The following DOCK1 variants were observed in gnomAD, a reference collection of about 807,000 sequenced individuals.
DOCK1 encodes the protein dedicator of cytokinesis 1, also known as dedicator of cytokinesis protein 1.
Under a neutral mutation model 262.7 loss-of-function variants are expected in DOCK1, and 138 were observed. The observed-to-expected ratio is 0.53, with a 90% CI of 0.46 to 0.61. The LOEUF is 0.61. DOCK1 is among the 20% of genes least tolerant of loss of function. The pLI is 0.00. For synonymous variants in DOCK1, 866 were observed against 867.4 expected (o/e 1.00, Z 0.03); for missense variants, 1,908 against 2,370.7 (o/e 0.80, Z 4.05).
At chr10:127,332,551 C>T (rs1005387108) in intron 29 of DOCK1, among the ~76,000 whole-genome samples, 6 of 152,130 alleles carry the variant, frequency 3.9e-5, no homozygotes, top group Non-Finnish European at 5.9e-5. Context: ...CCCACATCCC[C>T]GTCTCTCACG....
chr10:127,151,315 T>G (rs1235749953), intron 27 of DOCK1, among the ~76,000 whole-genome samples: 2 of 152,114 alleles, frequency 1.3e-5, no homozygotes, highest in African/African-American at 4.8e-5. Flanking sequence ...TTGACAGGAC[T>G]CAATGAAATA....
chr10:127,158,607 A>G (rs537783448), intron 27 of DOCK1, among the ~76,000 whole-genome samples: 2 of 152,332 alleles, frequency 1.3e-5, no homozygotes, highest in South Asian at 2.1e-4. Context: ...TTGTATTTTC[A>G]TAAGTCCAGA....
chr10:126,940,888 A>G (rs1215495695), intron 1 of DOCK1, among the ~76,000 whole-genome samples: 4 of 152,234 alleles, frequency 2.6e-5, no homozygotes, highest in South Asian at 2.1e-4. Flanking sequence ...AAAAGCGTCT[A>G]TTGAATTACA....
intron 29 of DOCK1, among the ~76,000 whole-genome samples, chr10:127,327,923 C>T (rs565767407): frequency 4.6e-5 from 7 of 152,200 alleles, no homozygotes; most frequent in African/African-American, 1.7e-4. Flanking sequence ...CCTGCTCTTT[C>T]TAGTTCTTCA....
At chr10:127,372,813 C>T (rs1383619394) in intron 33 of DOCK1, among the ~76,000 whole-genome samples, 4 of 152,200 alleles carry the variant, frequency 2.6e-5, no homozygotes, top group Admixed American at 1.3e-4. Flanking sequence ...TTCAATTCTT[C>T]CTTTGTCCAT....
intron 29 of DOCK1, among the ~76,000 whole-genome samples, chr10:127,304,877 G>A (rs2061817032): frequency 6.6e-6 from 1 of 152,008 alleles, no homozygotes; most frequent in African/African-American, 2.4e-5. Flanking sequence ...GTGAGACTTT[G>A]TCTGAAAAAA....
In DOCK1 at chr10:127,404,386, T is replaced by C; in HGVS notation, c.4079T>C (p.Phe1360Ser). The C allele has an allele frequency of 6.2e-7, 1 of 1,613,976 alleles. No individual in the cohort carries two copies. The highest frequency in any genetic ancestry group is 8.5e-7 in the Non-Finnish European group (1 of 1,179,888). ...GTGATCAGGCCCAAGCCTGACTATT[T>C]TGCTGTTGGCTACTACGGACAAGGG... is the stretch of plus-strand genomic sequence containing the variant. ...VKVIRPKPDY[F>S]AVGYYGQGFP... The change falls in exon 40 of 52, where the codon TTT becomes TCT. Residue 1360 changes from phenylalanine to serine, a missense_variant. By Grantham distance (155) the Phe-to-Ser change is radical. Coordinates refer to ENST00000623213, the MANE Select transcript of DOCK1 (RefSeq NM_001290223.2).
chr10:127,371,878 A>G (rs1364142943), intron 33 of DOCK1, among the ~76,000 whole-genome samples: 1 of 152,202 alleles, frequency 6.6e-6, no homozygotes, highest in African/African-American at 2.4e-5. Context: ...AAAGGGCAGG[A>G]TAGCAGTGGT....
intron 1 of DOCK1, among the ~76,000 whole-genome samples, chr10:126,942,163 A>G: frequency 1.3e-5 from 2 of 152,150 alleles, no homozygotes; most frequent in Non-Finnish European, 1.5e-5. Flanking sequence ...TAGCGGGACT[A>G]CAGGCGCCCG....
At chr10:126,984,170 G>C (rs1026085173) in intron 4 of DOCK1, among the ~76,000 whole-genome samples, 4 of 151,966 alleles carry the variant, frequency 2.6e-5, no homozygotes, top group African/African-American at 9.7e-5. Flanking sequence ...CTCTTCAGCT[G>C]ATCTGTCTCT....
chr10:127,322,194 T>C (rs1377239165), intron 29 of DOCK1, among the ~76,000 whole-genome samples: 1 of 151,362 alleles, frequency 6.6e-6, no homozygotes. Context: ...TCCCTTTTTT[T>C]TTTTTTTTTC....
rs1488794823 is a variant in DOCK1 at position 127,384,806 on chromosome 10, G to A, written c.3824G>A (p.Cys1275Tyr). The A allele has an allele frequency of 1.0e-5, 16 of 1,597,310 alleles. No individual in the cohort carries two copies. Among genetic ancestry groups the A allele is most frequent in the Non-Finnish European group, 1.4e-5 (16 of 1,174,212 alleles). Residue 1275 changes from cysteine (C) to tyrosine (Y), a missense_variant, in exon 38 of 52, where the codon TGT (cysteine) becomes TAT (tyrosine). By Grantham distance (194) the Cys-to-Tyr change is radical. Around this residue, in one of 9 missense-constraint regions of DOCK1, gnomAD observed 267 missense variants for 366.3 expected, o/e 0.73. Coordinates refer to ENST00000623213, the MANE Select transcript of DOCK1 (RefSeq NM_001290223.2). ...AKLLKWSEDV[C>Y]VAHLTQRDGY... is the part of the protein sequence containing the mutation. Reference sequence around the variant, plus strand: ...CTCCCTTAGTGGTCGGAGGATGTGTGTGTGGCCCACCTCACCCAGCGGGAC... The same window carrying A: ...CTCCCTTAGTGGTCGGAGGATGTGTATGTGGCCCACCTCACCCAGCGGGAC...
chr10:127,259,546 G>A (rs2059942674), intron 29 of DOCK1, among the ~76,000 whole-genome samples: 1 of 152,200 alleles, frequency 6.6e-6, no homozygotes, highest in Non-Finnish European at 1.5e-5. Flanking sequence ...AGCACAGGGT[G>A]TGGAGGCGGC....
chr10:127,280,833 T>C (rs78302992), intron 29 of DOCK1, among the ~76,000 whole-genome samples: 8,718 of 152,248 alleles, frequency 0.057, 323 homozygotes, highest in Non-Finnish European at 0.086. Context: ...CATTTTTTCA[T>C]TTTTTACTCC....
At chr10:127,055,814 G>C (rs140648742) in intron 22 of DOCK1, among the ~76,000 whole-genome samples, 1 of 152,252 alleles carries the variant, frequency 6.6e-6, no homozygotes, top group African/African-American at 2.4e-5. Context: ...GTCCTACCAG[G>C]TTACATAGAA....
intron 1 of DOCK1, among the ~76,000 whole-genome samples, chr10:126,957,289 G>A (rs1489471766): frequency 1.3e-5 from 2 of 152,192 alleles, no homozygotes; most frequent in East Asian, 3.8e-4. Context: ...CCTGGTTGCA[G>A]TATGGACAGA....
rs567257019 is a variant in DOCK1, at chr10:126,999,088, T to TA, written c.768-256dup. 3.5e-3 allele frequency among the ~76,000 whole-genome samples: 527 copies of TA among 148,918 alleles called. 1 individual carries two copies. The highest frequency in any genetic ancestry group is 0.01 in the African/African-American group (425 of 40,646). On this transcript the variant is annotated intron_variant, in intron 8 of 51. Coordinates refer to ENST00000623213, the MANE Select transcript of DOCK1 (RefSeq NM_001290223.2). ...CATTCTAAATGAACAAATAGGCTCT[T>TA]AAAAAAAAAACCAACTTAGAAATAC...
In DOCK1 at chr10:127,339,023, T is replaced by C; in HGVS notation, c.3062T>C (p.Ile1021Thr). 1.3e-6 allele frequency: 2 copies of C among 1,582,026 alleles called. No individual in the cohort carries two copies. Among genetic ancestry groups the C allele is most frequent in the Non-Finnish European group, 8.6e-7 (1 of 1,163,446 alleles). ...MVQNKVFLRA[I>T]NQYADMLNKK... The stretch of plus-strand genomic sequence containing the variant: ...TCTTTCAGAGTCTTCCTGCGAGCAA[T>C]TAATCAGTATGCAGATATGCTGAAC... Residue 1021 changes from isoleucine to threonine, a missense_variant, in exon 30 of 52, where the codon ATT (isoleucine) becomes ACT (threonine). Physicochemically the swap from Ile to Thr is moderately conservative, Grantham distance 89 (BLOSUM62 -1). This residue lies in a region of DOCK1 where 518 missense variants were observed against 575.1 expected (regional missense o/e 0.90). Transcript: ENST00000623213.
chr10:127,373,742 G>A (rs368433987), intron 33 of DOCK1, 39 bp from the exon 34 acceptor site: 17 of 1,526,406 alleles, frequency 1.1e-5, no homozygotes, highest in Middle Eastern at 1.7e-4. Flanking sequence ...TGAAATACTC[G>A]CCATGCTGAT....
Sources: gnomAD v4.1 joint callset for allele counts (sites outside exome capture counted in the v4.1 genomes callset) on GRCh38, gnomAD v4.1.1 for gene constraint, gnomAD v4.1.1 regional missense constraint, MANE v1.5 for transcripts, NCBI Gene and HGNC (gene_info 2026-07-23, HGNC 2026-07-21) for gene names.